Variants in SEMA3A observed in about 807,000 individuals in gnomAD.
SEMA3A encodes semaphorin 3A.
Under a neutral mutation model 97.9 loss-of-function variants are expected in SEMA3A, and 29 were observed. The ratio of observed to expected loss-of-function variants is 0.30; its 90% CI spans 0.22 to 0.40. The LOEUF (loss-of-function observed/expected upper bound fraction) is 0.40. SEMA3A is among the 10% of genes least tolerant of loss of function. SEMA3A has a pLI of 1.00. For synonymous variants in SEMA3A, 321 were observed against 323.7 expected (o/e 0.99, Z 0.09); for missense variants, 763 against 951.3 (o/e 0.80, Z 2.60).
At chr7:84,448,340 G>C (rs1201438898) in intron 1 of SEMA3A, among the ~76,000 whole-genome samples, 1 of 152,098 alleles carries the variant, frequency 6.6e-6, no homozygotes, top group Non-Finnish European at 1.5e-5. Context: ...TAAAATCCAA[G>C]TTGAAAAAGA....
chr7:84,000,079 G>A (rs980399848), intron 12 of SEMA3A, among the ~76,000 whole-genome samples: 4 of 152,006 alleles, frequency 2.6e-5, no homozygotes, highest in Admixed American at 2.0e-4. Context: ...AGGTTTTGGC[G>A]ATATAACAAT....
chr7:84,445,243 G>A (rs1805379136), intron 1 of SEMA3A, among the ~76,000 whole-genome samples: 2 of 151,802 alleles, frequency 1.3e-5, no homozygotes, highest in African/African-American at 4.8e-5. Context: ...TGTAATACCA[G>A]CATTTTGGGA....
intron 6 of SEMA3A, among the ~76,000 whole-genome samples, chr7:84,019,003 A>G (rs942501209): frequency 2.0e-5 from 3 of 152,240 alleles, no homozygotes; most frequent in Non-Finnish European, 1.5e-5. Flanking sequence ...TGGCTGTCAT[A>G]GAAACTCAAA....
At chr7:84,415,266 G>A (rs1804401365) in intron 1 of SEMA3A, among the ~76,000 whole-genome samples, 1 of 151,892 alleles carries the variant, frequency 6.6e-6, no homozygotes, top group African/African-American at 2.4e-5. Context: ...TCATAAATCT[G>A]TTATAAAATA....
At chr7:84,334,800 C>G (rs917796854) in intron 2 of SEMA3A, among the ~76,000 whole-genome samples, 1 of 151,060 alleles carries the variant, frequency 6.6e-6, no homozygotes, top group Non-Finnish European at 1.5e-5. Context: ...ACAACCCCTG[C>G]CCTCCCACCA....
intron 2 of SEMA3A, among the ~76,000 whole-genome samples, chr7:84,361,113 A>G (rs1802709126): frequency 1.3e-5 from 2 of 152,164 alleles, no homozygotes; most frequent in South Asian, 4.1e-4. Context: ...ATTGTGAGAG[A>G]TAAGATTTTA....
chr7:83,990,631 A>C (rs59730320), intron 12 of SEMA3A, among the ~76,000 whole-genome samples: 1 of 146,332 alleles, frequency 6.8e-6, no homozygotes, highest in African/African-American at 2.5e-5. Context: ...ATAGTTGTAG[A>C]TATGTGGCTC....
chr7:84,285,540 G>A (rs1800559095), intron 3 of SEMA3A, among the ~76,000 whole-genome samples: 1 of 152,118 alleles, frequency 6.6e-6, no homozygotes, highest in Non-Finnish European at 1.5e-5. Context: ...ACAATTGTAA[G>A]TGACTAATAT....
chr7:84,067,254 C>T (rs554760614), intron 4 of SEMA3A, among the ~76,000 whole-genome samples: 40 of 152,084 alleles, frequency 2.6e-4, no homozygotes, highest in Admixed American at 2.0e-3. Flanking sequence ...TTCCTTACAC[C>T]TTATACAAAA....
At chr7:84,026,202 T>G (rs1584562848) in intron 6 of SEMA3A, among the ~76,000 whole-genome samples, 1 of 152,170 alleles carries the variant, frequency 6.6e-6, no homozygotes, top group Non-Finnish European at 1.5e-5. Flanking sequence ...CACTGTGGTG[T>G]GGAGTGCCCT....
At chr7:84,336,722 A>C (rs2115970428) in intron 2 of SEMA3A, among the ~76,000 whole-genome samples, 1 of 152,278 alleles carries the variant, frequency 6.6e-6, no homozygotes, top group South Asian at 2.1e-4. Flanking sequence ...AGAAAGAAAC[A>C]TCCTCAAGTA....
At chr7:84,325,455 C>T (rs952359620) in intron 2 of SEMA3A, among the ~76,000 whole-genome samples, 1 of 151,942 alleles carries the variant, frequency 6.6e-6, no homozygotes, top group Non-Finnish European at 1.5e-5. Flanking sequence ...AGATTTGCCA[C>T]AGGATATCTG....
At chr7:84,090,580 T>C (rs1315671568) in intron 4 of SEMA3A, among the ~76,000 whole-genome samples, 3 of 151,996 alleles carry the variant, frequency 2.0e-5, no homozygotes, top group Non-Finnish European at 4.4e-5. Context: ...GTGGAAGAAA[T>C]GAAAATAAAT....
chr7:84,408,477 C>T (rs1745774981), intron 1 of SEMA3A, among the ~76,000 whole-genome samples: 1 of 151,932 alleles, frequency 6.6e-6, no homozygotes, highest in Admixed American at 6.6e-5. Context: ...TTGTGGAAGT[C>T]AGTGTGGCGA....
chr7:84,069,067 TCCTTTC>T (rs1793647579), intron 4 of SEMA3A, among the ~76,000 whole-genome samples: 1 of 152,172 alleles, frequency 6.6e-6, no homozygotes, highest in South Asian at 2.1e-4. Flanking sequence ...AAATTGAATT[TCCTTTC>T]CAGTCTAGTG....
intron 3 of SEMA3A, among the ~76,000 whole-genome samples, chr7:84,305,991 T>C (rs1417544625): frequency 1.3e-5 from 2 of 151,750 alleles, no homozygotes; most frequent in African/African-American, 4.8e-5. Flanking sequence ...TGTACATGTA[T>C]GTATTAGAGA....
chr7:84,356,501 T>C (rs1176100115), intron 2 of SEMA3A, among the ~76,000 whole-genome samples: 1 of 151,552 alleles, frequency 6.6e-6, no homozygotes, highest in Non-Finnish European at 1.5e-5. Context: ...GTATAAAAGA[T>C]TCTGAAATTT....
chr7:84,011,555 A>T (rs1466807535), intron 7 of SEMA3A, among the ~76,000 whole-genome samples: 2 of 152,152 alleles, frequency 1.3e-5, no homozygotes, highest in African/African-American at 4.8e-5. Flanking sequence ...GGGATTACTT[A>T]TAAAGTCAAT....
At chr7:84,345,705 C>CT (rs1802282905) in intron 2 of SEMA3A, among the ~76,000 whole-genome samples, 1 of 152,174 alleles carries the variant, frequency 6.6e-6, no homozygotes, top group Non-Finnish European at 1.5e-5. Flanking sequence ...TTAGACACAA[C>CT]TTCAGGCTCT....
Sources: gnomAD v4.1 joint callset for allele counts (sites outside exome capture counted in the v4.1 genomes callset) on GRCh38, gnomAD v4.1.1 for gene constraint, MANE v1.5 for transcripts, NCBI Gene and HGNC (gene_info 2026-07-23, HGNC 2026-07-21) for gene names.